The following ASB15 variants were observed in gnomAD, a reference collection of about 807,000 sequenced individuals.
ASB15 encodes ankyrin repeat and SOCS box containing 15, also known as ankyrin repeat and SOCS box protein 15.
Under a neutral mutation model 58.0 loss-of-function variants are expected in ASB15, and 54 were observed. That is an observed-to-expected ratio of 0.93 (90% CI 0.75 to 1.17). The LOEUF (loss-of-function observed/expected upper bound fraction) is 1.17. ASB15 is among the 50% of genes most tolerant of loss of function. The pLI is 0.00. For synonymous variants in ASB15, 249 were observed against 262.4 expected (o/e 0.95, Z 0.50); for missense variants, 680 against 707.4 (o/e 0.96, Z 0.44).
At chr7:123,567,773 T>G (rs1424247569) in intron 1 of ASB15, among the ~76,000 whole-genome samples, 1 of 151,342 alleles carries the variant, frequency 6.6e-6, no homozygotes, top group Non-Finnish European at 1.5e-5. Context: ...AAAGCGAAAA[T>G]AACCCAGAAT....
chr7:123,587,838 T>C (rs965150443), intron 1 of ASB15, among the ~76,000 whole-genome samples: 4 of 151,820 alleles, frequency 2.6e-5, no homozygotes, highest in Admixed American at 1.3e-4. Context: ...CATATCATAT[T>C]TATTGATTTA....
chr7:123,574,002 G>C (rs1584721146), intron 1 of ASB15, among the ~76,000 whole-genome samples: 1 of 152,128 alleles, frequency 6.6e-6, no homozygotes, highest in East Asian at 1.9e-4. Context: ...CTAGTAATAT[G>C]ATAGACCAAA....
chr7:123,601,639 A>G (rs1044619709), upstream of ASB15, among the ~76,000 whole-genome samples: 1 of 152,174 alleles, frequency 6.6e-6, no homozygotes, highest in African/African-American at 2.4e-5. Flanking sequence ...CTTTGTTTTC[A>G]TAAGAGTTCT....
intron 3 of ASB15, chr7:123,609,234 A>G (rs1263718727): frequency 6.6e-6 from 1 of 151,990 alleles, no homozygotes; most frequent in Non-Finnish European, 1.5e-5. Flanking sequence ...TATTCTATTG[A>G]CCCTTTTGTT....
intron 7 of ASB15, among the ~76,000 whole-genome samples, chr7:123,623,930 GAAAA>G (rs1243119356): frequency 0.11 from 3,732 of 35,368 alleles, 153 homozygotes; most frequent in East Asian, 0.14. Flanking sequence ...AAGAAAGAAA[GAAAA>G]GAAAGAAAGA....
At chr7:123,620,536 ATATATATATATATATATATTTTTTTTTTT>A (rs1801215272) in intron 7 of ASB15, among the ~76,000 whole-genome samples, 2 of 17,094 alleles carry the variant, frequency 1.2e-4, no homozygotes, top group African/African-American at 4.3e-4. Context: ...ATATATATAT[ATATATATATATATATATATTTTTTTTTTT>A]TTTTTTTTTT....
intron 8 of ASB15, among the ~76,000 whole-genome samples, chr7:123,625,732 G>T (rs1281033483): frequency 1.3e-5 from 2 of 152,074 alleles, no homozygotes; most frequent in Admixed American, 6.6e-5. Context: ...TCCTAAACTG[G>T]TTGAGCCACT....
chr7:123,597,668 C>A (rs557997989), upstream of ASB15, among the ~76,000 whole-genome samples: 63 of 151,968 alleles, frequency 4.1e-4, no homozygotes, highest in African/African-American at 1.3e-3. Flanking sequence ...CCCGTATCTA[C>A]TAAAAATACA....
intron 1 of ASB15, among the ~76,000 whole-genome samples, chr7:123,587,580 A>G (rs982876303): frequency 6.6e-6 from 1 of 151,476 alleles, no homozygotes; most frequent in African/African-American, 2.4e-5. Context: ...CCAGTACTAT[A>G]TTGAATAGAA....
chr7:123,617,916 A>C (rs1455953379), intron 7 of ASB15, among the ~76,000 whole-genome samples, 179 bp downstream of exon 7: 1 of 152,230 alleles, frequency 6.6e-6, no homozygotes, highest in Non-Finnish European at 1.5e-5. Flanking sequence ...AGGATGTCAA[A>C]TATGAAAGAT....
chr7:123,624,002 GA>G (rs1474501194), intron 7 of ASB15, among the ~76,000 whole-genome samples: 1 of 149,622 alleles, frequency 6.7e-6, no homozygotes, highest in Non-Finnish European at 1.5e-5. Context: ...AAAGAGAAAG[GA>G]AAGAAAATAC....
upstream of ASB15, among the ~76,000 whole-genome samples, chr7:123,597,233 C>T (rs1009098900): frequency 1.1e-4 from 16 of 152,162 alleles, no homozygotes; most frequent in African/African-American, 3.9e-4. Flanking sequence ...AGCATATTCA[C>T]TCTGCATATG....
intron 7 of ASB15, among the ~76,000 whole-genome samples, chr7:123,621,928 C>A (rs567373073): frequency 6.6e-6 from 1 of 152,326 alleles, no homozygotes; most frequent in South Asian, 2.1e-4. Context: ...CGCTCAGGGA[C>A]CATCTGGCAT....
chr7:123,637,127 AC>A lies in ASB15; in HGVS notation c.*148del. On this transcript the variant is annotated 3_prime_UTR_variant, in exon 12 of 12. Transcript: ENST00000451215. ...GGTTATCATGTGTTCTTATGGGAAC[AC>A]CATGATTTATGTCTTTAAAGACATT... 2 of 533,510 alleles carry A rather than the reference AC, an allele frequency of 3.7e-6. No individual in the cohort carries two copies. The highest frequency in any genetic ancestry group is 6.4e-6 in the Non-Finnish European group (2 of 311,904). 33.0% of individuals were successfully genotyped at this position (533,510 alleles called of 1,614,324 possible).
Position 123,616,375 on chromosome 7 carries a change from G to A in ASB15, c.172G>A (p.Glu58Lys), listed in dbSNP as rs79976973. 1,654 of 1,608,628 alleles carry A rather than the reference G, an allele frequency of 1.0e-3. 10 individuals are homozygous for A. The African/African-American group carries it at 0.019, about 18-fold the overall frequency. Residue 58 changes from glutamate (E) to lysine (K), a missense_variant, in exon 6 of 12, where the codon GAG becomes AAG. Transcript: ENST00000451215. ...VEAIKQGHIP[E>K]LQEYVKYKYA... ...TGTGTTTAATTTAGGTCACATTCCT[G>A]AGCTCCAGGAGTATGTAAAATATAA...
At chr7:123,604,580 T>TA (rs36085557) in intron 2 of ASB15, among the ~76,000 whole-genome samples, 32,262 of 139,708 alleles carry the variant, frequency 0.23, 3,633 homozygotes, top group East Asian at 0.4. Flanking sequence ...AGACTCTGTC[T>TA]AAAAAAAAAA....
At chr7:123,629,572 A>G (rs1802013704) in intron 10 of ASB15, 138 bp downstream of exon 10, 2 of 733,422 alleles carry the variant, frequency 2.7e-6, no homozygotes, top group Admixed American at 3.1e-5. Flanking sequence ...TTTGTATGCA[A>G]TGATACAGGG....
intron 8 of ASB15, 92 bp downstream of exon 8, chr7:123,624,906 C>G: frequency 7.1e-7 from 1 of 1,410,412 alleles, no homozygotes; most frequent in Non-Finnish European, 9.6e-7. Context: ...CTGAATGTAA[C>G]TAGGGGAGCT....
chr7:123,597,642 G>A (rs1799737957), upstream of ASB15, among the ~76,000 whole-genome samples: 1 of 151,998 alleles, frequency 6.6e-6, no homozygotes, highest in Admixed American at 6.6e-5. Flanking sequence ...GACCAGCTTG[G>A]CCAACATGGT....
Sources: allele counts gnomAD v4.1 joint callset (sites outside exome capture counted in the v4.1 genomes callset), GRCh38; gene constraint gnomAD v4.1.1; transcripts MANE v1.5; gene names NCBI Gene and HGNC (gene_info 2026-07-23, HGNC 2026-07-21).